NDST3: variants seen among roughly 807,000 people sequenced by gnomAD.
NDST3 encodes bifunctional heparan sulfate N-deacetylase/N-sulfotransferase 3.
NDST3 carries 58 observed loss-of-function variants against 96.1 expected under a neutral mutation model. The ratio of observed to expected loss-of-function variants is 0.60; its 90% CI spans 0.49 to 0.75. NDST3 has a LOEUF of 0.75. NDST3 is among the 30% of genes least tolerant of loss of function. The probability of loss-of-function intolerance (pLI) is 0.00; values close to 1 mark genes in which losing one functional copy is unlikely to be tolerated. For missense variants in NDST3, 788 were observed against 1,034.2 expected (o/e 0.76, Z 3.27); for synonymous variants, 333 against 359.7 (o/e 0.93, Z 0.84).
chr4:118,163,302 A>G (rs11931778), intron 6 of NDST3, among the ~76,000 whole-genome samples: 10,096 of 152,194 alleles, frequency 0.066, 736 homozygotes, highest in African/African-American at 0.18. Flanking sequence ...ACATGCACAC[A>G]TATGTTTACT....
At chr4:118,199,931 G>A (rs528849575) in intron 6 of NDST3, among the ~76,000 whole-genome samples, 3 of 152,294 alleles carry the variant, frequency 2.0e-5, no homozygotes, top group African/African-American at 4.8e-5. Flanking sequence ...CCTGGAGCTA[G>A]AGGTGGAATG....
At chr4:118,201,805 CTTG>C (rs963121412) in intron 6 of NDST3, among the ~76,000 whole-genome samples, 3 of 151,846 alleles carry the variant, frequency 2.0e-5, no homozygotes, top group South Asian at 2.1e-4. Context: ...TCCTTTTTGT[CTTG>C]TTGTTGTTGT....
intron 6 of NDST3, among the ~76,000 whole-genome samples, chr4:118,167,458 T>C (rs1735627644): frequency 6.6e-6 from 1 of 151,638 alleles, no homozygotes; most frequent in Non-Finnish European, 1.5e-5. Context: ...GATTGGAAGG[T>C]TAATATTATT....
upstream of NDST3, chr4:118,033,508 C>T (rs909881999): frequency 1.3e-5 from 2 of 151,860 alleles, no homozygotes; most frequent in Admixed American, 6.5e-5. Flanking sequence ...GGCGGGAGCC[C>T]GGTCGATGGA....
chr4:118,093,276 TTA>T (rs1398443103), intron 2 of NDST3, among the ~76,000 whole-genome samples: 1 of 151,880 alleles, frequency 6.6e-6, no homozygotes, highest in Non-Finnish European at 1.5e-5. Context: ...TTCCCAGATA[TTA>T]TCTCCTTTTC....
At chr4:118,067,267 G>C (rs1371317120) in intron 2 of NDST3, among the ~76,000 whole-genome samples, 1 of 151,934 alleles carries the variant, frequency 6.6e-6, no homozygotes, top group African/African-American at 2.4e-5. Context: ...TTTAACTCTA[G>C]TGTGATTGCT....
intron 6 of NDST3, among the ~76,000 whole-genome samples, chr4:118,163,518 G>A (rs369825607): frequency 7.9e-5 from 12 of 151,676 alleles, no homozygotes; most frequent in South Asian, 2.1e-4. Flanking sequence ...ACCAAACACC[G>A]CATATTCTCA....
chr4:118,144,140 T>C (rs1340393442), intron 6 of NDST3, among the ~76,000 whole-genome samples: 2 of 152,154 alleles, frequency 1.3e-5, no homozygotes, highest in Admixed American at 6.5e-5. Context: ...TAGATTCGTC[T>C]TGCTAGGTCA....
At chr4:118,153,488 C>T (rs540020272) in intron 6 of NDST3, among the ~76,000 whole-genome samples, 3 of 152,114 alleles carry the variant, frequency 2.0e-5, no homozygotes, top group East Asian at 1.9e-4. Context: ...TAATAAAATA[C>T]GCTATATAAT....
In NDST3 at chr4:118,058,679, T is replaced by C. The variant is rs138099326; in HGVS notation, c.981+3788T>C. Among the ~76,000 whole-genome samples, 146 of 151,270 alleles carry C rather than the reference T, an allele frequency of 9.7e-4. 1 individual carries two copies. Among genetic ancestry groups the C allele is most frequent in the African/African-American group, 3.2e-3 (131 of 41,324 alleles). On this transcript the variant is annotated intron_variant, in intron 2 of 13. Coordinates refer to ENST00000296499, the MANE Select transcript of NDST3 (RefSeq NM_004784.3). ...CATGCAAACGTGTTCCATTGGACTA[T>C]TGGATGAGTTTTAGTGACGTTCAAA... is the stretch of plus-strand genomic sequence containing the variant.
chr4:118,225,781 A>G (rs940490671), intron 7 of NDST3, among the ~76,000 whole-genome samples: 1 of 152,212 alleles, frequency 6.6e-6, no homozygotes, highest in Non-Finnish European at 1.5e-5. Context: ...TCCAAGAGAC[A>G]TAACTGCATA....
rs771723825 is a variant in NDST3, at chr4:118,114,852, G to A, written c.1116G>A (p.Val372=). Residue 372 remains valine (V), a synonymous_variant, in exon 4 of 14, where the codon GTG becomes GTA. Coordinates refer to ENST00000296499, the MANE Select transcript of NDST3 (RefSeq NM_004784.3). ...GAGATGACTGTCTGTTGGGGTCTGT[G>A]GATGAGTTCTGGTGGTTTCCTCACA... is the stretch of plus-strand genomic sequence containing the variant. The part of the protein sequence containing the change: ...DEGDDCLLGS[V]DEFWWFPHMW... 6.2e-7 allele frequency: 1 copy of A among 1,614,088 alleles called. No individual in the cohort carries two copies. The highest frequency in any genetic ancestry group is 1.1e-5 in the South Asian group (1 of 91,082).
intron 6 of NDST3, among the ~76,000 whole-genome samples, chr4:118,178,349 G>A (rs938406778): frequency 2.0e-5 from 3 of 151,790 alleles, no homozygotes; most frequent in Non-Finnish European, 2.9e-5. Flanking sequence ...CTCCTGCCCC[G>A]AATCCTTAGC....
intron 6 of NDST3, among the ~76,000 whole-genome samples, chr4:118,190,503 C>A (rs1737236117): frequency 6.6e-6 from 1 of 152,156 alleles, no homozygotes. Context: ...TCCCTAATGT[C>A]TTCCCCAGTC....
intron 2 of NDST3, 132 bp from the exon 3 acceptor site, chr4:118,104,886 C>A (rs1730043481): frequency 9.8e-6 from 6 of 609,248 alleles, no homozygotes; most frequent in Admixed American, 3.1e-5. Flanking sequence ...GATAAAGAAA[C>A]TATTTTCCAC....
intron 2 of NDST3, among the ~76,000 whole-genome samples, chr4:118,077,277 G>A (rs949804895): frequency 6.6e-6 from 1 of 152,200 alleles, no homozygotes; most frequent in Non-Finnish European, 1.5e-5. Flanking sequence ...GCCAACAGCT[G>A]CATTGGTGCA....
chr4:118,105,009 G>A lies in NDST3; in HGVS notation c.982-9G>A, dbSNP rs1730055157. 6.2e-7 allele frequency: 1 copy of A among 1,607,692 alleles called. No homozygotes were observed. The highest frequency in any genetic ancestry group is 8.5e-7 in the Non-Finnish European group (1 of 1,176,198). ...TTACCTGATACATTTTTTAAATTAT[G>A]TATTTCAGGCCCTGCTTGATACTCA... On this transcript the variant is annotated splice_polypyrimidine_tract_variant and intron_variant, in intron 2 of 13. Coordinates refer to ENST00000296499, the MANE Select transcript of NDST3 (RefSeq NM_004784.3).
At position 118,056,844 on chromosome 4, in the gene NDST3, G is replaced by C. The variant is rs202161587; in HGVS notation, c.981+1953G>C. 2.6e-5 allele frequency among the ~76,000 whole-genome samples: 4 copies of C among 151,958 alleles called. No homozygotes were observed. In the East Asian group the frequency reaches 7.7e-4, roughly 29 times the overall value. ...AGTGGGGGTGATAAATAGGTAAATA[G>C]CTTGCAACATGGTAAGCACAATAGC... On this transcript the variant is annotated intron_variant, in intron 2 of 13. Coordinates refer to ENST00000296499, the MANE Select transcript of NDST3 (RefSeq NM_004784.3).
At chr4:118,091,674 T>A (rs1416059927) in intron 2 of NDST3, among the ~76,000 whole-genome samples, 1 of 151,718 alleles carries the variant, frequency 6.6e-6, no homozygotes, top group Non-Finnish European at 1.5e-5. Context: ...AGAGTATTTC[T>A]ATGAAGGAAC....
Sources: gnomAD v4.1 joint callset for allele counts (sites outside exome capture counted in the v4.1 genomes callset) on GRCh38, gnomAD v4.1.1 for gene constraint, MANE v1.5 for transcripts, NCBI Gene and HGNC (gene_info 2026-07-23, HGNC 2026-07-21) for gene names.